The following RBMS1 variants were observed in gnomAD, a reference collection of about 807,000 sequenced individuals.
RBMS1 encodes RNA-binding motif, single-stranded-interacting protein 1.
RBMS1 carries 17 observed loss-of-function variants against 62.3 expected under a neutral mutation model. The ratio of observed to expected loss-of-function variants is 0.27; its 90% CI spans 0.19 to 0.41. The LOEUF is 0.41. Ranked by LOEUF, RBMS1 falls within the 10% of genes least tolerant of loss-of-function variation. The probability of loss-of-function intolerance (pLI) is 1.00; values close to 1 mark genes in which losing one functional copy is unlikely to be tolerated. For synonymous variants in RBMS1, 172 were observed against 170.0 expected, an observed-to-expected ratio of 1.01 and a Z score of -0.09; for missense variants, 334 against 504.5, an observed-to-expected ratio of 0.66 and a Z score of 3.24.
chr2:160,394,747 T>A (rs1024612051), intron 1 of RBMS1, among the ~76,000 whole-genome samples: 1 of 152,244 alleles, frequency 6.6e-6, no homozygotes, highest in Non-Finnish European at 1.5e-5. Flanking sequence ...GTTCTATCAA[T>A]GATTTTTTAA....
rs532180920 is a variant in RBMS1 at position 160,388,199 on chromosome 2, C to A, written c.76-20808G>T. ...CTGCATCACCCCAGACTTAAAAGATCACTGCTTTAGAAGACAGTTCATTTC... is the reference window on the plus strand; with the variant it reads ...CTGCATCACCCCAGACTTAAAAGATAACTGCTTTAGAAGACAGTTCATTTC... On this transcript the variant is annotated intron_variant, in intron 1 of 13. Transcript: ENST00000348849. Among the ~76,000 whole-genome samples the A allele has an allele frequency of 3.6e-4, 55 of 152,318 alleles. 2 individuals are homozygous for A. The highest frequency in any genetic ancestry group is 2.2e-3 in the Admixed American group (34 of 15,304).
At chr2:160,366,686 G>A (rs1048598531) in intron 2 of RBMS1, among the ~76,000 whole-genome samples, 5 of 152,214 alleles carry the variant, frequency 3.3e-5, no homozygotes, top group Non-Finnish European at 5.9e-5. Context: ...CACTCTGAAA[G>A]GGCAGAATTG....
chr2:160,318,315 G>T, intron 2 of RBMS1, 88 bp from the exon 3 acceptor site: 1 of 1,390,652 alleles, frequency 7.2e-7, no homozygotes, highest in Admixed American at 3.4e-5. Context: ...TAAATCCAAA[G>T]AACACACATT....
intron 1 of RBMS1, among the ~76,000 whole-genome samples, chr2:160,476,640 C>T (rs1279012543): frequency 1.4e-5 from 2 of 147,360 alleles, no homozygotes; most frequent in African/African-American, 5.0e-5. Context: ...CTGCAAGCTC[C>T]GCCTCCCGGG....
intron 2 of RBMS1, among the ~76,000 whole-genome samples, chr2:160,319,523 A>T (rs911982149): frequency 3.9e-5 from 6 of 152,288 alleles, no homozygotes; most frequent in African/African-American, 1.4e-4. Flanking sequence ...AAAACAAAAC[A>T]AAACAAATCA....
chr2:160,319,309 C>T (rs965489798), intron 2 of RBMS1, among the ~76,000 whole-genome samples: 13 of 152,122 alleles, frequency 8.5e-5, no homozygotes, highest in African/African-American at 2.9e-4. Flanking sequence ...GCCAGGAGTT[C>T]GAGACCAGCT....
intron 1 of RBMS1, among the ~76,000 whole-genome samples, chr2:160,389,271 C>G (rs1694735308): frequency 1.3e-5 from 2 of 152,120 alleles, no homozygotes; most frequent in South Asian, 4.1e-4. Context: ...GAGAAAAATA[C>G]CAGAAAATGC....
intron 6 of RBMS1, among the ~76,000 whole-genome samples, chr2:160,292,904 G>T (rs1356223246): frequency 6.6e-6 from 1 of 152,194 alleles, no homozygotes; most frequent in African/African-American, 2.4e-5. Flanking sequence ...TTTGAATTCT[G>T]GATCTGCAAG....
At chr2:160,329,366 G>A (rs563313995) in intron 2 of RBMS1, among the ~76,000 whole-genome samples, 2 of 152,232 alleles carry the variant, frequency 1.3e-5, no homozygotes, top group East Asian at 1.9e-4. Flanking sequence ...TTGGCTCAAA[G>A]GTCACTTGTG....
intron 7 of RBMS1, 35 bp downstream of exon 7, chr2:160,286,934 T>TC: frequency 1.8e-5 from 27 of 1,514,166 alleles, no homozygotes; most frequent in South Asian, 4.6e-5. Context: ...TCACACCCCC[T>TC]CCCCCACCCC....
chr2:160,349,775 A>G (rs1285745394), intron 2 of RBMS1, among the ~76,000 whole-genome samples: 1 of 146,078 alleles, frequency 6.8e-6, no homozygotes, highest in African/African-American at 2.5e-5. Context: ...AAATAAGCAA[A>G]TTATACAATA....
intron 1 of RBMS1, among the ~76,000 whole-genome samples, chr2:160,427,945 T>C (rs1453865447): frequency 6.6e-6 from 1 of 152,138 alleles, no homozygotes; most frequent in Non-Finnish European, 1.5e-5. Context: ...GAAATGCAAA[T>C]TCACTTTCAT....
At chr2:160,327,497 A>G (rs945376832) in intron 2 of RBMS1, among the ~76,000 whole-genome samples, 2 of 152,134 alleles carry the variant, frequency 1.3e-5, no homozygotes, top group African/African-American at 4.8e-5. Context: ...ATTATAAAGC[A>G]TTTGATTTAT....
At chr2:160,360,814 G>A (rs1005868309) in intron 2 of RBMS1, among the ~76,000 whole-genome samples, 1 of 152,094 alleles carries the variant, frequency 6.6e-6, no homozygotes, top group Non-Finnish European at 1.5e-5. Flanking sequence ...CCACATTGAT[G>A]ATAATACTAT....
chr2:160,472,725 G>T (rs72978898), intron 1 of RBMS1, among the ~76,000 whole-genome samples: 5 of 152,230 alleles, frequency 3.3e-5, no homozygotes, highest in African/African-American at 4.8e-5. Flanking sequence ...CTTAAGCTCA[G>T]TTGCAAACAA....
intron 1 of RBMS1, among the ~76,000 whole-genome samples, chr2:160,443,226 A>AC (rs1683491530): frequency 1.3e-5 from 2 of 151,968 alleles, no homozygotes; most frequent in South Asian, 2.1e-4. Flanking sequence ...AAAAAAACAA[A>AC]AAAAAAAACC....
intron 1 of RBMS1, among the ~76,000 whole-genome samples, chr2:160,406,691 G>A (rs1279044591): frequency 6.6e-6 from 1 of 152,148 alleles, no homozygotes; most frequent in African/African-American, 2.4e-5. Flanking sequence ...TCACAACATG[G>A]CTTCAGTAAC....
chr2:160,366,195 GC>G (rs1405426389), intron 2 of RBMS1, among the ~76,000 whole-genome samples: 1 of 152,122 alleles, frequency 6.6e-6, no homozygotes, highest in African/African-American at 2.4e-5. Flanking sequence ...CCCATGGAAG[GC>G]CAGATGTTAC....
chr2:160,425,107 T>C (rs1032102777), intron 1 of RBMS1, among the ~76,000 whole-genome samples: 47 of 152,192 alleles, frequency 3.1e-4, no homozygotes, highest in African/African-American at 1.0e-3. Context: ...ATCATCTCCA[T>C]TCCTGCCAGT....
Sources: allele counts gnomAD v4.1 joint callset (sites outside exome capture counted in the v4.1 genomes callset), GRCh38; gene constraint gnomAD v4.1.1; transcripts MANE v1.5; gene names NCBI Gene and HGNC (gene_info 2026-07-23, HGNC 2026-07-21).